The following E2F5 variants were observed in gnomAD, a reference collection of about 807,000 sequenced individuals.
E2F5 encodes the protein transcription factor E2F5.
A neutral mutation model predicts 39.1 loss-of-function variants in E2F5; 23 were observed. That is an observed-to-expected ratio of 0.59 (90% confidence interval 0.42 to 0.83). E2F5 has a LOEUF of 0.83. Ranked by LOEUF, E2F5 falls within the 40% of genes least tolerant of loss-of-function variation. E2F5 has a pLI of 0.00. For missense variants in E2F5, 365 were observed against 406.7 expected (o/e 0.90, Z 0.88); for synonymous variants, 145 against 157.8 (o/e 0.92, Z 0.61).
chr8:85,179,860 C>T (rs1404871385), intron 1 of E2F5, among the ~76,000 whole-genome samples: 1 of 152,108 alleles, frequency 6.6e-6, no homozygotes, highest in Non-Finnish European at 1.5e-5. Flanking sequence ...CAGGGTTTCA[C>T]TGTGTTAGCT....
chr8:85,203,393 A>G (rs1812734046), intron 3 of E2F5, 138 bp downstream of exon 3: 1 of 553,288 alleles, frequency 1.8e-6, no homozygotes, highest in Non-Finnish European at 2.7e-6. Context: ...ATTTTATTAT[A>G]TTCTTATATA....
chr8:85,198,343 AG>A (rs919767946), intron 1 of E2F5, among the ~76,000 whole-genome samples: 22 of 152,148 alleles, frequency 1.4e-4, no homozygotes, highest in Admixed American at 9.8e-4. Context: ...CATCTTTAAA[AG>A]GAAAAAAAAA....
At chr8:85,213,515 C>T in intron 7 of E2F5, 1 of 218,734 alleles carries the variant, frequency 4.6e-6, no homozygotes, top group East Asian at 1.1e-4. Context: ...TGCACTCCAG[C>T]CTGGACGAAA....
At chr8:85,203,407 A>G in intron 3 of E2F5, 152 bp downstream of exon 3, 1 of 494,558 alleles carries the variant, frequency 2.0e-6, no homozygotes, top group South Asian at 6.5e-5. Context: ...TTATATACTA[A>G]TATTTTCTAA....
chr8:85,181,514 T>C (rs1031094388), intron 1 of E2F5, among the ~76,000 whole-genome samples: 1 of 149,880 alleles, frequency 6.7e-6, no homozygotes, highest in East Asian at 2.0e-4. Context: ...TTTTTTTTTT[T>C]TTGTATTTTT....
chr8:85,178,804 T>G (rs754323733), intron 1 of E2F5, among the ~76,000 whole-genome samples: 10 of 152,198 alleles, frequency 6.6e-5, no homozygotes, highest in Admixed American at 1.3e-4. Flanking sequence ...CCTCCTCCAG[T>G]GTAGCCCAAG....
intron 1 of E2F5, 141 bp from the exon 2 acceptor site, chr8:85,202,006 A>G: frequency 1.5e-6 from 1 of 665,730 alleles, no homozygotes. Flanking sequence ...GATGCTTTGA[A>G]CATGCTCAGC....
intron 1 of E2F5, among the ~76,000 whole-genome samples, chr8:85,200,888 G>T (rs1812683084): frequency 6.6e-6 from 1 of 152,180 alleles, no homozygotes; most frequent in Non-Finnish European, 1.5e-5. Context: ...AGTTAGAGTT[G>T]GGGAACAAAG....
At chr8:85,206,042 T>C (rs1250544689) in intron 3 of E2F5, 135 bp from the exon 4 acceptor site, 1 of 765,972 alleles carries the variant, frequency 1.3e-6, no homozygotes, top group Non-Finnish European at 2.1e-6. Context: ...ACTAGACTTC[T>C]TTTTTTGTCT....
At position 85,177,704 on chromosome 8, in the gene E2F5, C is replaced by T. The variant is rs772790453; in HGVS notation, c.234+50C>T. On this transcript the variant is annotated intron_variant, in intron 1 of 7. Coordinates refer to ENST00000416274, the MANE Select transcript of E2F5 (RefSeq NM_001951.4). The stretch of plus-strand genomic sequence containing the variant: ...GGCGGACTTCGGAACCCGTGGCCCC[C>T]GGGGAAGCCCAGCCCCTCGCCGCGT... The T allele has an allele frequency of 3.3e-6, 4 of 1,215,840 alleles. No homozygotes were observed. The East Asian group carries it at 1.3e-4, about 40-fold the overall frequency. 75.3% of individuals were successfully genotyped at this position (1,215,840 alleles called of 1,614,324 possible).
intron 1 of E2F5, among the ~76,000 whole-genome samples, chr8:85,197,423 C>T (rs951047129): frequency 6.6e-6 from 1 of 152,274 alleles, no homozygotes; most frequent in Non-Finnish European, 1.5e-5. Context: ...AATGAAGGGA[C>T]GTGGCCTCAT....
intron 1 of E2F5, among the ~76,000 whole-genome samples, chr8:85,197,206 G>A (rs1403633164): frequency 1.3e-5 from 2 of 152,196 alleles, no homozygotes; most frequent in African/African-American, 4.8e-5. Flanking sequence ...AGCAAATAAA[G>A]TACCTGCTTT....
At position 85,214,160 on chromosome 8, in the gene E2F5, G is replaced by T; in HGVS notation, c.*298G>T. 1 of 537,396 alleles carries T rather than the reference G, an allele frequency of 1.9e-6. No homozygotes were observed. Among genetic ancestry groups the T allele is most frequent in the Non-Finnish European group, 3.5e-6 (1 of 282,194 alleles). 33.3% of individuals were successfully genotyped at this position (537,396 alleles called of 1,614,324 possible). ...AATCCTTCTGTTTTTTCTTCTTAAGGAGGAAAGTTAAAGGACACTACAGGT... is the reference window on the plus strand; with the variant it reads ...AATCCTTCTGTTTTTTCTTCTTAAGTAGGAAAGTTAAAGGACACTACAGGT... On this transcript the variant is annotated 3_prime_UTR_variant, in exon 8 of 8. Transcript: ENST00000416274.
intron 1 of E2F5, among the ~76,000 whole-genome samples, chr8:85,196,321 C>G (rs1012827265): frequency 2.6e-5 from 4 of 152,262 alleles, no homozygotes; most frequent in East Asian, 3.9e-4. Flanking sequence ...ATTTTTCTAT[C>G]TCTTATAACA....
intron 3 of E2F5, among the ~76,000 whole-genome samples, chr8:85,204,855 C>G (rs939845853): frequency 2.0e-5 from 3 of 152,110 alleles, no homozygotes; most frequent in African/African-American, 7.3e-5. Flanking sequence ...TACCAGACAA[C>G]TGGGGGACTA....
At chr8:85,179,486 TC>T (rs1554681896) in intron 1 of E2F5, among the ~76,000 whole-genome samples, 1 of 152,182 alleles carries the variant, frequency 6.6e-6, no homozygotes, top group Non-Finnish European at 1.5e-5. Context: ...TCTGGAACTC[TC>T]CTAAAAATTC....
intron 1 of E2F5, among the ~76,000 whole-genome samples, chr8:85,182,624 T>C (rs1377430869): frequency 1.3e-5 from 2 of 152,206 alleles, no homozygotes; most frequent in African/African-American, 4.8e-5. Context: ...ATTGCATAAA[T>C]TAAACTAGGA....
chr8:85,185,772 T>C (rs1812320051), intron 1 of E2F5, among the ~76,000 whole-genome samples: 1 of 152,212 alleles, frequency 6.6e-6, no homozygotes, highest in Non-Finnish European at 1.5e-5. Flanking sequence ...TCATCGTCAC[T>C]GGTCATTGGA....
chr8:85,209,539 C>T (rs1339987932), intron 6 of E2F5, 130 bp downstream of exon 6: 44 of 1,104,972 alleles, frequency 4.0e-5, no homozygotes, highest in Non-Finnish European at 5.0e-5. Flanking sequence ...TTTGCATATA[C>T]ATAATAACAT....
Sources: gnomAD v4.1 joint callset for allele counts (sites outside exome capture counted in the v4.1 genomes callset) on GRCh38, gnomAD v4.1.1 for gene constraint, MANE v1.5 for transcripts, NCBI Gene and HGNC (gene_info 2026-07-23, HGNC 2026-07-21) for gene names.